HCN1: variants seen among roughly 807,000 people sequenced by gnomAD.
HCN1 encodes potassium/sodium hyperpolarization-activated cyclic nucleotide-gated channel 1.
A neutral mutation model predicts 78.9 loss-of-function variants in HCN1; 13 were observed. The ratio of observed to expected loss-of-function variants is 0.16; its 90% CI spans 0.11 to 0.26. HCN1 has a LOEUF of 0.26. Ranked by LOEUF, HCN1 falls within the 10% of genes least tolerant of loss-of-function variation. The pLI is 1.00. For missense variants in HCN1, 810 were observed against 1,154.3 expected (o/e 0.70, Z 4.32); for synonymous variants, 552 against 455.5 (o/e 1.21, Z -2.70).
chr5:45,576,471 G>A (rs1355573859), intron 2 of HCN1: 1 of 151,940 alleles, frequency 6.6e-6, no homozygotes, highest in Non-Finnish European at 1.5e-5. Context: ...AAATTGATGT[G>A]GCCAACTTCC....
chr5:45,345,283 C>A (rs918723693), intron 5 of HCN1, among the ~76,000 whole-genome samples: 5 of 152,172 alleles, frequency 3.3e-5, no homozygotes, highest in Non-Finnish European at 7.3e-5. Context: ...CCCCCTAGAC[C>A]TCCAGGTCTG....
chr5:45,570,340 C>T (rs368644549), intron 2 of HCN1, among the ~76,000 whole-genome samples: 16 of 152,158 alleles, frequency 1.1e-4, no homozygotes, highest in East Asian at 5.8e-4. Flanking sequence ...TAGATATCAT[C>T]TGGAACATGG....
chr5:45,679,028 C>A (rs577849281), intron 1 of HCN1, among the ~76,000 whole-genome samples: 2 of 151,814 alleles, frequency 1.3e-5, no homozygotes, highest in East Asian at 1.9e-4. Context: ...ATACCCAGAA[C>A]AAAAAATATG....
intron 6 of HCN1, among the ~76,000 whole-genome samples, chr5:45,300,748 T>G (rs1318096875): frequency 6.6e-6 from 1 of 152,094 alleles, no homozygotes; most frequent in African/African-American, 2.4e-5. Context: ...CTTTCATTTC[T>G]TATCCCATCT....
At chr5:45,594,561 T>C (rs1291694127) in intron 2 of HCN1, among the ~76,000 whole-genome samples, 1 of 152,222 alleles carries the variant, frequency 6.6e-6, no homozygotes, top group East Asian at 1.9e-4. Flanking sequence ...CCCTGATTTT[T>C]AGGTTATTGA....
chr5:45,513,272 A>G (rs1001178455), intron 2 of HCN1, among the ~76,000 whole-genome samples: 3 of 152,328 alleles, frequency 2.0e-5, no homozygotes, highest in South Asian at 2.1e-4. Context: ...AACAAAAGGT[A>G]AAATCATAAT....
chr5:45,494,073 G>C (rs1172564375), intron 2 of HCN1, among the ~76,000 whole-genome samples: 1 of 152,036 alleles, frequency 6.6e-6, no homozygotes, highest in African/African-American at 2.4e-5. Flanking sequence ...GTGTGCATGT[G>C]TCTTTATAGC....
At chr5:45,296,668 T>C (rs1295245953) in intron 6 of HCN1, among the ~76,000 whole-genome samples, 2 of 151,836 alleles carry the variant, frequency 1.3e-5, no homozygotes, top group Non-Finnish European at 2.9e-5. Flanking sequence ...GAAATGCAAC[T>C]GTAGCTCTTG....
intron 4 of HCN1, among the ~76,000 whole-genome samples, chr5:45,376,002 T>C (rs1414649379): frequency 8.5e-6 from 1 of 117,934 alleles, no homozygotes; most frequent in Non-Finnish European, 1.6e-5. Flanking sequence ...TATAATATTT[T>C]ATAATATTTT....
intron 2 of HCN1, among the ~76,000 whole-genome samples, chr5:45,640,608 CT>C (rs1745435533): frequency 6.8e-6 from 1 of 146,344 alleles, no homozygotes. Context: ...GAGTTTCACT[CT>C]TGTCGCCCAG....
chr5:45,374,857 A>C (rs1310748718), intron 4 of HCN1, among the ~76,000 whole-genome samples: 8 of 145,898 alleles, frequency 5.5e-5, no homozygotes, highest in South Asian at 2.1e-4. Context: ...TGATTTTGTA[A>C]AACTTATTTT....
rs115514701 is a variant in HCN1 at position 45,463,770 on chromosome 5, T to G, written c.850-1763A>C. Reference sequence around the variant, plus strand: ...ATCATGAACTTAGTTTTTTTGTTGTTGTTTAGTAACAGAATTTACATTTAT... The same window carrying G: ...ATCATGAACTTAGTTTTTTTGTTGTGGTTTAGTAACAGAATTTACATTTAT... On this transcript the variant is annotated intron_variant, in intron 2 of 7. Transcript: ENST00000303230. 2.8e-3 allele frequency among the ~76,000 whole-genome samples: 431 copies of G among 152,204 alleles called. 1 individual carries two copies. Among genetic ancestry groups the G allele is most frequent in the Non-Finnish European group, 3.7e-3 (251 of 67,936 alleles).
At chr5:45,629,053 G>A (rs1008255535) in intron 2 of HCN1, among the ~76,000 whole-genome samples, 13 of 150,150 alleles carry the variant, frequency 8.7e-5, no homozygotes, top group African/African-American at 3.2e-4. Context: ...AAGTACAGTG[G>A]CAATATTAAT....
Position 45,262,539 on chromosome 5 carries a change from T to A in HCN1, c.2055A>T (p.Thr685=), listed in dbSNP as rs1406966043. 6.2e-7 allele frequency: 1 copy of A among 1,613,042 alleles called. No homozygotes were observed. Among genetic ancestry groups the A allele is most frequent in the South Asian group, 1.1e-5 (1 of 91,002 alleles). ...GGATGGCTGATGGCTGGGGGGTCTG[T>A]GTGCTGGGACTGGGGGAGTGCAGGT... ...HSNLHSPSPS[T]QTPQPSAILS... The change falls in exon 8 of 8, where the codon ACA becomes ACT. Residue 685 remains threonine (T), a synonymous_variant. Coordinates refer to ENST00000303230, the MANE Select transcript of HCN1 (RefSeq NM_021072.4).
At chr5:45,647,590 A>G (rs780337815) in intron 1 of HCN1, among the ~76,000 whole-genome samples, 6 of 152,032 alleles carry the variant, frequency 3.9e-5, no homozygotes, top group Non-Finnish European at 8.8e-5. Context: ...ATGACCCCAA[A>G]AGCTTTATCT....
In HCN1 at chr5:45,260,178, C is replaced by T. The variant is rs1020820255; in HGVS notation, c.*1743G>A. The T allele has an allele frequency of 6.6e-6, 1 of 152,238 alleles. No individual in the cohort carries two copies. The highest frequency in any genetic ancestry group is 2.4e-5 in the African/African-American group (1 of 41,456). 9.4% of individuals were successfully genotyped at this position (152,238 alleles called of 1,614,324 possible). ...AAGTCTATCTGCAGGCCCTGTCCCA[C>T]ATAATGTGTGATCTCTGTATGTTCT... On this transcript the variant is annotated 3_prime_UTR_variant, in exon 8 of 8. Coordinates refer to ENST00000303230, the MANE Select transcript of HCN1 (RefSeq NM_021072.4).
At chr5:45,649,867 A>C (rs1310610413) in intron 1 of HCN1, among the ~76,000 whole-genome samples, 1 of 152,140 alleles carries the variant, frequency 6.6e-6, no homozygotes, top group Non-Finnish European at 1.5e-5. Flanking sequence ...TAACAAAGTA[A>C]ATAATAATTT....
intron 5 of HCN1, among the ~76,000 whole-genome samples, chr5:45,334,433 T>A (rs1250039629): frequency 6.6e-6 from 1 of 151,800 alleles, no homozygotes; most frequent in Non-Finnish European, 1.5e-5. Flanking sequence ...TTTTTTTTTC[T>A]CAACAGTGTT....
At chr5:45,422,029 T>A (rs1740239418) in intron 3 of HCN1, among the ~76,000 whole-genome samples, 1 of 152,172 alleles carries the variant, frequency 6.6e-6, no homozygotes, top group Non-Finnish European at 1.5e-5. Context: ...GAGCTAGACA[T>A]AACAGAATTT....
Sources: gnomAD v4.1 joint callset for allele counts (sites outside exome capture counted in the v4.1 genomes callset) on GRCh38, gnomAD v4.1.1 for gene constraint, MANE v1.5 for transcripts, NCBI Gene and HGNC (gene_info 2026-07-23, HGNC 2026-07-21) for gene names.